DHX58: variants seen among roughly 807,000 people sequenced by gnomAD.
The protein encoded by DHX58 is ATP-dependent RNA helicase DHX58.
Under a neutral mutation model 65.0 loss-of-function variants are expected in DHX58, and 51 were observed. The observed-to-expected ratio is 0.78, with a 90% CI of 0.63 to 0.99. The LOEUF (loss-of-function observed/expected upper bound fraction) is 0.99, where lower values mean the gene tolerates loss of function less well. Ranked by LOEUF, DHX58 falls within the 50% of genes least tolerant of loss-of-function variation. The probability of loss-of-function intolerance (pLI) is 0.00; values close to 1 mark genes in which losing one functional copy is unlikely to be tolerated. For missense variants in DHX58, 773 were observed against 891.8 expected (o/e 0.87, Z 1.70); for synonymous variants, 350 against 365.0 (o/e 0.96, Z 0.47).
At chr17:42,107,464 G>T in intron 8 of DHX58, 140 bp downstream of exon 8, 1 of 988,658 alleles carries the variant, frequency 1.0e-6, no homozygotes, top group Non-Finnish European at 1.4e-6. Context: ...CATGGCCTTG[G>T]ATTTTGGTTA....
chr17:42,104,945 G>A lies in DHX58; in HGVS notation c.1402-18C>T. On this transcript the variant is annotated intron_variant, in intron 10 of 13. Transcript: ENST00000251642. ...CCCCTGGCCTGGGAAGAGAGACAAG[G>A]GGTGTCCTGAGTTGGGCTGGGGCCC... 6.2e-7 allele frequency: 1 copy of A among 1,613,832 alleles called. No individual in the cohort carries two copies. The highest frequency in any genetic ancestry group is 8.5e-7 in the Non-Finnish European group (1 of 1,179,860).
intron 11 of DHX58, 99 bp from the exon 12 acceptor site, chr17:42,103,897 G>T: frequency 1.5e-6 from 2 of 1,333,526 alleles, no homozygotes; most frequent in African/African-American, 1.5e-5. Flanking sequence ...GTACCTGGAA[G>T]AGACTTTCCT....
chr17:42,101,931 T>A lies in DHX58; in HGVS notation c.1867A>T (p.Met623Leu), dbSNP rs782080168. The A allele has an allele frequency of 1.2e-6, 2 of 1,612,776 alleles. No individual in the cohort carries two copies. Among genetic ancestry groups the A allele is most frequent in the East Asian group, 2.2e-5 (1 of 44,866 alleles). Residue 623 changes from methionine to leucine, a missense_variant, in exon 14 of 14, where the codon ATG becomes TTG. Transcript: ENST00000251642. ...GGCAGCTTCACTGACTTGTAGATCA[T>A]CTGCAGACCCCAGACCTGGAGGTGA... is the stretch of plus-strand genomic sequence containing the variant. ...RNCGEVWGLQ[M>L]IYKSVKLPVL...
intron 4 of DHX58, 141 bp downstream of exon 4, chr17:42,111,154 GA>G: frequency 3.7e-6 from 4 of 1,088,710 alleles, no homozygotes; most frequent in Non-Finnish European, 3.9e-6. Flanking sequence ...GTTTCTACTA[GA>G]GTGCCTGCAG....
Position 42,102,328 on chromosome 17 carries a change from G to T in DHX58, c.1755-16C>A. On this transcript the variant is annotated splice_polypyrimidine_tract_variant and intron_variant, in intron 12 of 13. Coordinates refer to ENST00000251642, the MANE Select transcript of DHX58 (RefSeq NM_024119.3). ...ATAGTAGTTCCTGGAGAGGAAGGGGGGTGGCCACAGCCCTCATTGACCCTC... is the reference window on the plus strand; with the variant it reads ...ATAGTAGTTCCTGGAGAGGAAGGGGTGTGGCCACAGCCCTCATTGACCCTC... 6.2e-7 allele frequency: 1 copy of T among 1,607,400 alleles called. No homozygotes were observed. The highest frequency in any genetic ancestry group is 8.5e-7 in the Non-Finnish European group (1 of 1,174,022).
chr17:42,108,736 G>A (rs1442335597), intron 6 of DHX58, among the ~76,000 whole-genome samples: 1 of 152,188 alleles, frequency 6.6e-6, no homozygotes. Context: ...CCACAGGGCC[G>A]GAGCAGACAG....
rs188176098 is a variant in DHX58 at position 42,102,161 on chromosome 17, C to G, written c.1851+55G>C. On this transcript the variant is annotated intron_variant, in intron 13 of 13. Coordinates refer to ENST00000251642, the MANE Select transcript of DHX58 (RefSeq NM_024119.3). The stretch of plus-strand genomic sequence containing the variant: ...GTCCTAGTGAGGGCTCCCTGAGGGC[C>G]TCTGAAGACTGGGGCTGAGGACTCT... 4.2e-3 allele frequency: 6,765 copies of G among 1,592,622 alleles called. 19 individuals carry two copies. Among genetic ancestry groups the G allele is most frequent in the Non-Finnish European group, 4.9e-3 (5,636 of 1,161,264 alleles).
chr17:42,103,665 C>T lies in DHX58; in HGVS notation c.1697G>A (p.Gly566Asp). 6.2e-7 allele frequency: 1 copy of T among 1,614,036 alleles called. No homozygotes were observed. Among genetic ancestry groups the T allele is most frequent in the Non-Finnish European group, 8.5e-7 (1 of 1,180,032 alleles). Reference sequence around the variant, plus strand: ...GCCCTCCACCTTCCGCAGGTCGCTGCCATGGCCCACAGCCACCATGCAGTT... The same window carrying T: ...GCCCTCCACCTTCCGCAGGTCGCTGTCATGGCCCACAGCCACCATGCAGTT... ...CINCMVAVGH[G>D]SDLRKVEGTH... is the part of the protein sequence containing the mutation. Residue 566 changes from glycine (G) to aspartate (D), a missense_variant, in exon 12 of 14, where the codon GGC (glycine) becomes GAC (aspartate). By Grantham distance (94) the Gly-to-Asp change is moderately conservative. Coordinates refer to ENST00000251642, the MANE Select transcript of DHX58 (RefSeq NM_024119.3).
rs782076848 is a variant in DHX58, at chr17:42,107,763, A to T, written c.838T>A (p.Tyr280Asn). 1 of 1,593,234 alleles carries T rather than the reference A, an allele frequency of 6.3e-7. No homozygotes were observed. The highest frequency in any genetic ancestry group is 8.6e-7 in the Non-Finnish European group (1 of 1,169,550). ...ALAGLQEQRVYALHLRRYNDA... is the reference protein window; with the variant it reads ...ALAGLQEQRVNALHLRRYNDA... ...TTGTAGCGCCTCAGGTGAAGCGCAT[A>T]CACCCGTTGCTCCTGAAGCCCAGCC... Residue 280 changes from tyrosine to asparagine, a missense_variant, in exon 8 of 14, where the codon TAT (tyrosine) becomes AAT (asparagine). By Grantham distance (143) the Tyr-to-Asn change is moderately radical (BLOSUM62 -2). Coordinates refer to ENST00000251642, the MANE Select transcript of DHX58 (RefSeq NM_024119.3).
chr17:42,106,698 G>A (rs983672001), intron 8 of DHX58, among the ~76,000 whole-genome samples: 1 of 126,036 alleles, frequency 7.9e-6, no homozygotes. Context: ...TACTCGGGAG[G>A]CTGAGGCAGG....
chr17:42,111,094 G>T (rs1375626690), intron 4 of DHX58, among the ~76,000 whole-genome samples, 181 bp from the exon 5 acceptor site: 5 of 152,156 alleles, frequency 3.3e-5, no homozygotes, highest in Admixed American at 2.6e-4. Flanking sequence ...GTAAACCGAG[G>T]CTCAGCTGGG....
chr17:42,108,818 C>T (rs1472518026), intron 6 of DHX58, among the ~76,000 whole-genome samples: 3 of 152,266 alleles, frequency 2.0e-5, no homozygotes, highest in Admixed American at 2.0e-4. Flanking sequence ...TATGGCCCCC[C>T]AAGGGTTCTT....
At position 42,102,319 on chromosome 17, in the gene DHX58, AG is replaced by A. The variant is rs1568001084; in HGVS notation, c.1755-8del. 6.2e-7 allele frequency: 1 copy of A among 1,613,208 alleles called. No homozygotes were observed. The highest frequency in any genetic ancestry group is 1.3e-5 in the African/African-American group (1 of 74,866). On this transcript the variant is annotated splice_region_variant and splice_polypyrimidine_tract_variant and intron_variant, in intron 12 of 13. Transcript: ENST00000251642. ...GGAGACATTATAGTAGTTCCTGGAG[AG>A]GAAGGGGGGTGGCCACAGCCCTCAT...
chr17:42,109,961 G>T (rs2054123545), intron 5 of DHX58, among the ~76,000 whole-genome samples: 1 of 152,008 alleles, frequency 6.6e-6, no homozygotes, highest in South Asian at 2.1e-4. Context: ...GCCAAGGCAG[G>T]TGAATCACGA....
chr17:42,102,035 CT>C, intron 13 of DHX58, 89 bp from the exon 14 acceptor site: 4 of 1,476,210 alleles, frequency 2.7e-6, no homozygotes, highest in Admixed American at 2.1e-5. Flanking sequence ...AATACAGGGC[CT>C]TTTCCTCCCA....
At position 42,107,728 on chromosome 17, in the gene DHX58, C is replaced by A. The variant is rs782536860; in HGVS notation, c.873G>T (p.Leu291=). Residue 291 remains leucine, a synonymous_variant, in exon 8 of 14, where the codon CTG becomes CTT. Coordinates refer to ENST00000251642, the MANE Select transcript of DHX58 (RefSeq NM_024119.3). The part of the protein sequence containing the change: ...ALHLRRYNDA[L]LIHDTVRAVD... Reference sequence around the variant, plus strand: ...CGGCGCGGACGGTGTCATGGATGAGCAGCGCGTCATTGTAGCGCCTCAGGT... The same window carrying A: ...CGGCGCGGACGGTGTCATGGATGAGAAGCGCGTCATTGTAGCGCCTCAGGT... 1.2e-6 allele frequency: 2 copies of A among 1,607,846 alleles called. No individual in the cohort carries two copies.
At position 42,101,887 on chromosome 17, in the gene DHX58, G is replaced by A; in HGVS notation, c.1911C>T (p.Ser637=). 1 of 1,614,220 alleles carries A rather than the reference G, an allele frequency of 6.2e-7. No individual in the cohort carries two copies. The highest frequency in any genetic ancestry group is 2.2e-5 in the East Asian group (1 of 44,888). ...SVKLPVLKVR[S]MLLETPQGRI... ...GCCCCTGAGGGGTCTCCAGCAGCAT[G>A]CTGCGGACTTTGAGCACTGGCAGCT... is the stretch of plus-strand genomic sequence containing the variant. Residue 637 remains serine, a synonymous_variant, in exon 14 of 14, where the codon AGC becomes AGT. Transcript: ENST00000251642.
At position 42,111,314 on chromosome 17, in the gene DHX58, C is replaced by T; in HGVS notation, c.352G>A (p.Glu118Lys). 1 of 1,612,540 alleles carries T rather than the reference C, an allele frequency of 6.2e-7. No individual in the cohort carries two copies. The highest frequency in any genetic ancestry group is 1.1e-5 in the South Asian group (1 of 91,050). ...QMALTSPEEE[E>K]HVELTVFSLI... ...CCCTCACCAGTGAGCTCCACGTGCT[C>T]CTCCTCCTCGGGGCTGGTCAGTGCC... Residue 118 changes from glutamate (E) to lysine (K), a missense_variant, in exon 4 of 14, where the codon GAG becomes AAG. Coordinates refer to ENST00000251642, the MANE Select transcript of DHX58 (RefSeq NM_024119.3).
At chr17:42,105,227 C>T (rs1598215458) in intron 9 of DHX58, 60 bp from the exon 10 acceptor site, 1 of 1,515,810 alleles carries the variant, frequency 6.6e-7, no homozygotes, top group African/African-American at 1.4e-5. Context: ...CAGACTGACT[C>T]CACCTGCCAG....
Sources: allele counts gnomAD v4.1 joint callset (sites outside exome capture counted in the v4.1 genomes callset), GRCh38; gene constraint gnomAD v4.1.1; transcripts MANE v1.5; gene names NCBI Gene and HGNC (gene_info 2026-07-23, HGNC 2026-07-21).